Variants in BAIAP2L1 observed in about 807,000 individuals in gnomAD.
BAIAP2L1 encodes BAR/IMD domain containing adaptor protein 2 like 1.
A neutral mutation model predicts 66.3 loss-of-function variants in BAIAP2L1; 35 were observed. That is an observed-to-expected ratio of 0.53 (90% CI 0.40 to 0.70). BAIAP2L1 has a LOEUF of 0.70. Ranked by LOEUF, BAIAP2L1 falls within the 30% of genes least tolerant of loss-of-function variation. The pLI, the probability that BAIAP2L1 is intolerant of heterozygous loss-of-function variation, is 0.00. For missense variants in BAIAP2L1, 622 were observed against 656.9 expected (o/e 0.95, Z 0.58); for synonymous variants, 269 against 248.7 (o/e 1.08, Z -0.77).
chr7:98,378,325 A>G (rs1471103353), intron 1 of BAIAP2L1, among the ~76,000 whole-genome samples: 1 of 152,204 alleles, frequency 6.6e-6, no homozygotes, highest in Non-Finnish European at 1.5e-5. Context: ...AGTGAATGTC[A>G]TCAGTGACTT....
In BAIAP2L1 at chr7:98,400,847, G is replaced by A; in HGVS notation, c.6C>T (p.Ser2=). The A allele has an allele frequency of 1.9e-6, 3 of 1,542,232 alleles. No individual in the cohort carries two copies. Among genetic ancestry groups the A allele is most frequent in the Non-Finnish European group, 2.6e-6 (3 of 1,143,196 alleles). Residue 2 remains serine, a synonymous_variant, in exon 1 of 14, where the codon TCC becomes TCT. Coordinates refer to ENST00000005260, the MANE Select transcript of BAIAP2L1 (RefSeq NM_018842.5). ...GCCGGTTCACCTCCTCGGGCCCCCG[G>A]GACATGGCTGCGGCCGCCGGGCGAG... is the stretch of plus-strand genomic sequence containing the variant. The part of the protein sequence containing the change: M[S]RGPEEVNRLT...
At chr7:98,376,858 T>C (rs755717252) in intron 1 of BAIAP2L1, among the ~76,000 whole-genome samples, 15 of 152,048 alleles carry the variant, frequency 9.9e-5, no homozygotes, top group Non-Finnish European at 1.9e-4. Context: ...AACCCACTAA[T>C]CTAACACGGT....
intron 7 of BAIAP2L1, 84 bp from the exon 8 acceptor site, chr7:98,312,348 AAC>A (rs1322753425): frequency 7.0e-7 from 1 of 1,422,812 alleles, no homozygotes; most frequent in African/African-American, 1.4e-5. Context: ...TATCGCTGAT[AAC>A]AGATTACTGG....
intron 3 of BAIAP2L1, among the ~76,000 whole-genome samples, chr7:98,349,059 C>T (rs1801940196): frequency 6.6e-6 from 1 of 152,246 alleles, no homozygotes; most frequent in African/African-American, 2.4e-5. Context: ...GGAGGGGTAA[C>T]CACCCCCACA....
At position 98,294,049 on chromosome 7, in the gene BAIAP2L1, G is replaced by A. The variant is rs761749054; in HGVS notation, c.1460+25C>T. The A allele has an allele frequency of 1.9e-6, 3 of 1,612,420 alleles. No individual in the cohort carries two copies. In the South Asian group the frequency reaches 3.3e-5, roughly 18 times the overall value. Reference sequence around the variant, plus strand: ...AGGGAAGAGCAATGTCACACACTGAGGCTCACGTAGGAAGCCACGCCTACC... The same window carrying A: ...AGGGAAGAGCAATGTCACACACTGAAGCTCACGTAGGAAGCCACGCCTACC... On this transcript the variant is annotated intron_variant, in intron 13 of 13. Coordinates refer to ENST00000005260, the MANE Select transcript of BAIAP2L1 (RefSeq NM_018842.5).
Position 98,337,239 on chromosome 7 carries a change from T to G in BAIAP2L1, c.215-16941A>C, listed in dbSNP as rs1397325548. ...CAATTCTGGTTTTCAGATACCATTTTTTTTTTTTTTTTGAAAGAGTCTCAC... is the reference window on the plus strand; with the variant it reads ...CAATTCTGGTTTTCAGATACCATTTGTTTTTTTTTTTTGAAAGAGTCTCAC... On this transcript the variant is annotated intron_variant, in intron 3 of 13. Transcript: ENST00000005260. Among the ~76,000 whole-genome samples the G allele has an allele frequency of 2.0e-5, 3 of 151,814 alleles. No homozygotes were observed. In the South Asian group the frequency reaches 6.2e-4, roughly 31 times the overall value.
chr7:98,398,026 C>T (rs936514393), intron 1 of BAIAP2L1, among the ~76,000 whole-genome samples: 11 of 152,110 alleles, frequency 7.2e-5, no homozygotes, highest in African/African-American at 2.7e-4. Flanking sequence ...CTTTATAATT[C>T]CTCCTTTTCT....
chr7:98,313,088 G>A (rs1800930781), intron 7 of BAIAP2L1, among the ~76,000 whole-genome samples: 1 of 151,374 alleles, frequency 6.6e-6, no homozygotes, highest in South Asian at 2.1e-4. Flanking sequence ...CTGGGGAAGG[G>A]CAAAGACCCC....
At chr7:98,391,150 C>T (rs772779265) in intron 1 of BAIAP2L1, among the ~76,000 whole-genome samples, 14 of 151,746 alleles carry the variant, frequency 9.2e-5, no homozygotes, top group Non-Finnish European at 1.9e-4. Flanking sequence ...CCCATAAACA[C>T]AGTTTAAGCA....
chr7:98,336,452 C>T (rs1584466246), intron 3 of BAIAP2L1, among the ~76,000 whole-genome samples: 2 of 152,086 alleles, frequency 1.3e-5, no homozygotes, highest in East Asian at 3.9e-4. Flanking sequence ...GCTGTCTCTA[C>T]TAAAAATACA....
intron 1 of BAIAP2L1, among the ~76,000 whole-genome samples, chr7:98,394,283 CAAAA>C (rs1803147812): frequency 6.7e-6 from 1 of 150,070 alleles, no homozygotes. Context: ...ATAAAACAAA[CAAAA>C]AATCCCTTTC....
At chr7:98,306,800 T>C (rs537228412) in intron 10 of BAIAP2L1, 4 of 415,858 alleles carry the variant, frequency 9.6e-6, no homozygotes, top group African/African-American at 6.1e-5. Flanking sequence ...CTCGAACTCA[T>C]GGGCTCAAGC....
At chr7:98,300,451 G>C (rs1407320931) in intron 12 of BAIAP2L1, among the ~76,000 whole-genome samples, 1 of 152,242 alleles carries the variant, frequency 6.6e-6, no homozygotes, top group Non-Finnish European at 1.5e-5. Flanking sequence ...TGCTTTTGCA[G>C]TCTGCATAGG....
At chr7:98,300,763 C>T (rs958640785) in intron 12 of BAIAP2L1, among the ~76,000 whole-genome samples, 3 of 152,144 alleles carry the variant, frequency 2.0e-5, no homozygotes, top group African/African-American at 4.8e-5. Flanking sequence ...CCACTCCCCT[C>T]GCAGGCCAGC....
chr7:98,400,758 G>C, intron 1 of BAIAP2L1, 44 bp downstream of exon 1: 1 of 1,545,386 alleles, frequency 6.5e-7, no homozygotes, highest in Non-Finnish European at 8.8e-7. Context: ...TGAACCCCGA[G>C]GTGGAAAGCC....
intron 2 of BAIAP2L1, among the ~76,000 whole-genome samples, chr7:98,360,467 T>C (rs982057257): frequency 6.6e-6 from 1 of 152,138 alleles, no homozygotes; most frequent in South Asian, 2.1e-4. Flanking sequence ...CACAACCAGA[T>C]GGCCTGCAGA....
At chr7:98,308,022 G>T in intron 9 of BAIAP2L1, 126 bp from the exon 10 acceptor site, 1 of 910,470 alleles carries the variant, frequency 1.1e-6, no homozygotes, top group Non-Finnish European at 1.8e-6. Flanking sequence ...CACGGAAACT[G>T]ACCCTGTCCT....
At chr7:98,392,548 G>GATCTGTGCA (rs367547811) in intron 1 of BAIAP2L1, among the ~76,000 whole-genome samples, 1 of 152,240 alleles carries the variant, frequency 6.6e-6, no homozygotes, top group East Asian at 1.9e-4. Context: ...TCTGCTTACA[G>GATCTGTGCA]ATCTGTGCAA....
intron 3 of BAIAP2L1, among the ~76,000 whole-genome samples, chr7:98,326,494 G>A (rs928970896): frequency 6.6e-6 from 1 of 152,106 alleles, no homozygotes; most frequent in African/African-American, 2.4e-5. Context: ...TAACTAGCGG[G>A]TATGCCACAA....
Sources: gnomAD v4.1 joint callset for allele counts (sites outside exome capture counted in the v4.1 genomes callset) on GRCh38, gnomAD v4.1.1 for gene constraint, MANE v1.5 for transcripts, NCBI Gene and HGNC (gene_info 2026-07-23, HGNC 2026-07-21) for gene names.